The following PGLYRP2 variants were observed in gnomAD, a reference collection of about 807,000 sequenced individuals.
PGLYRP2 encodes peptidoglycan recognition protein 2.
PGLYRP2 carries 38 observed loss-of-function variants against 46.2 expected under a neutral mutation model. The ratio of observed to expected loss-of-function variants is 0.82; its 90% CI spans 0.64 to 1.08. The LOEUF (loss-of-function observed/expected upper bound fraction) is 1.08, where lower values mean the gene tolerates loss of function less well. PGLYRP2 is among the 50% of genes least tolerant of loss of function. The pLI, the probability that PGLYRP2 is intolerant of heterozygous loss-of-function variation, is 0.00. For missense variants in PGLYRP2, 713 were observed against 755.9 expected, an observed-to-expected ratio of 0.94 and a Z score of 0.67; for synonymous variants, 289 against 329.4, an observed-to-expected ratio of 0.88 and a Z score of 1.33.
rs1180332584 is a variant in PGLYRP2 at position 15,476,217 on chromosome 19, A to G, written c.453T>C (p.Thr151=). 1.2e-6 allele frequency: 2 copies of G among 1,614,130 alleles called. No individual in the cohort carries two copies. The highest frequency in any genetic ancestry group is 3.3e-5 in the Admixed American group (2 of 59,996). The change falls in exon 2 of 5, where the codon ACT becomes ACC. Residue 151 remains threonine, a synonymous_variant. Transcript: ENST00000340880. ...CCACAACATCTGGAAAGGTATCTCCAGTCTCCCAAGGGGCAGCCATGCTGT... is the reference window on the plus strand; with the variant it reads ...CCACAACATCTGGAAAGGTATCTCCGGTCTCCCAAGGGGCAGCCATGCTGT... ...PLDSMAAPWE[T]GDTFPDVVAI...
At chr19:15,479,125 C>T (rs529876806) in intron 1 of PGLYRP2, among the ~76,000 whole-genome samples, 186 bp downstream of exon 1, 9 of 152,302 alleles carry the variant, frequency 5.9e-5, no homozygotes, top group Non-Finnish European at 1.5e-5. Flanking sequence ...CTCCAGGCCC[C>T]AGATTCCTTC....
chr19:15,468,754 T>G lies in PGLYRP2; in HGVS notation c.1642-2A>C. ...CCTGGCAGGTCTTGGCTTAACAGTC[T>G]GGAAAAAGACAAGGGAGTGTGAGGC... On this transcript the variant is annotated splice_acceptor_variant, in intron 4 of 4. Transcript: ENST00000340880. LOFTEE classifies it high-confidence loss of function. 12 of 1,608,040 alleles carry G rather than the reference T, an allele frequency of 7.5e-6. No homozygotes were observed. The highest frequency in any genetic ancestry group is 1.0e-5 in the Non-Finnish European group (12 of 1,176,888).
At chr19:15,477,475 A>G (rs1007042801) in intron 1 of PGLYRP2, among the ~76,000 whole-genome samples, 2 of 150,784 alleles carry the variant, frequency 1.3e-5, no homozygotes, top group Non-Finnish European at 2.9e-5. Flanking sequence ...AGGCGGGTGG[A>G]TCACCTGAGG....
chr19:15,477,783 G>A (rs551460311), intron 1 of PGLYRP2, among the ~76,000 whole-genome samples: 1 of 152,090 alleles, frequency 6.6e-6, no homozygotes, highest in South Asian at 2.1e-4. Flanking sequence ...GAGCAGGATG[G>A]GCTTGTGCCA....
At chr19:15,471,829 C>T (rs1970751755) in intron 3 of PGLYRP2, 61 bp downstream of exon 3, 10 of 1,554,536 alleles carry the variant, frequency 6.4e-6, no homozygotes, top group Non-Finnish European at 7.9e-6. Flanking sequence ...TCAGGCTCCG[C>T]CCACTCAGAC....
chr19:15,475,371 G>A (rs1473255504), intron 2 of PGLYRP2, among the ~76,000 whole-genome samples, 167 bp downstream of exon 2: 1 of 152,104 alleles, frequency 6.6e-6, no homozygotes, highest in Non-Finnish European at 1.5e-5. Flanking sequence ...ATCCTTCAAG[G>A]CCCAACTCTG....
At chr19:15,472,560 A>G (rs962084242) in intron 2 of PGLYRP2, among the ~76,000 whole-genome samples, 1 of 151,934 alleles carries the variant, frequency 6.6e-6, no homozygotes, top group African/African-American at 2.4e-5. Context: ...GCTATTGCAC[A>G]CCAGCCTGGG....
chr19:15,474,636 T>G (rs1435066011), intron 2 of PGLYRP2, among the ~76,000 whole-genome samples: 1 of 152,078 alleles, frequency 6.6e-6, no homozygotes, highest in Non-Finnish European at 1.5e-5. Flanking sequence ...CTAGGGTGAT[T>G]GCCAGGAGGT....
Position 15,475,861 on chromosome 19 carries a change from A to C in PGLYRP2, c.809T>G (p.Met270Arg). 1.2e-6 allele frequency: 2 copies of C among 1,613,724 alleles called. No individual in the cohort carries two copies. Among genetic ancestry groups the C allele is most frequent in the Non-Finnish European group, 1.7e-6 (2 of 1,179,934 alleles). Residue 270 changes from methionine (M) to arginine (R), a missense_variant, in exon 2 of 5, where the codon ATG (methionine) becomes AGG (arginine). Physicochemically the swap from Met to Arg is moderately conservative, Grantham distance 91. Coordinates refer to ENST00000340880, the MANE Select transcript of PGLYRP2 (RefSeq NM_052890.4). ...LLDPKASLLT[M>R]AFLNGALDGV... is the part of the protein sequence containing the mutation. ...ATCCAGGGCGCCATTGAGGAAGGCC[A>C]TGGTTAACAGAGATGCCTTGGGGTC...
At chr19:15,474,482 G>T (rs939440727) in intron 2 of PGLYRP2, among the ~76,000 whole-genome samples, 5 of 152,056 alleles carry the variant, frequency 3.3e-5, no homozygotes, top group Non-Finnish European at 7.4e-5. Flanking sequence ...TGTTGATCAG[G>T]GCACTATTCA....
chr19:15,470,019 A>T, intron 3 of PGLYRP2, 90 bp from the exon 4 acceptor site: 1 of 1,274,370 alleles, frequency 7.8e-7, no homozygotes. Context: ...TTGGTGTGCC[A>T]AGGGCCACCG....
intron 3 of PGLYRP2, 50 bp downstream of exon 3, chr19:15,471,840 C>A: frequency 6.3e-7 from 1 of 1,585,606 alleles, no homozygotes; most frequent in Non-Finnish European, 8.6e-7. Flanking sequence ...CCACTCAGAC[C>A]CCATCCCCGA....
Position 15,469,593 on chromosome 19 carries a change from G to A in PGLYRP2, c.1641+39C>T. 2 of 1,561,754 alleles carry A rather than the reference G, an allele frequency of 1.3e-6. No homozygotes were observed. Among genetic ancestry groups the A allele is most frequent in the Non-Finnish European group, 1.7e-6 (2 of 1,161,002 alleles). On this transcript the variant is annotated intron_variant, in intron 4 of 4. Transcript: ENST00000340880. This position sits in a 1 kb window ranked among gnomAD's most constrained non-coding sequence, Gnocchi z 4.9. The stretch of plus-strand genomic sequence containing the variant: ...GCCTCGTGGAGCTTGTGTAGACGGA[G>A]GGGCGGCGGGCCGTGTAGTGCAGGC...
At chr19:15,475,395 T>A in intron 2 of PGLYRP2, 143 bp downstream of exon 2, 1 of 743,144 alleles carries the variant, frequency 1.3e-6, no homozygotes, top group Non-Finnish European at 2.2e-6. Context: ...TTTCCTCACC[T>A]GTGCAGCTGT....
intron 1 of PGLYRP2, among the ~76,000 whole-genome samples, chr19:15,478,977 C>T (rs923546433): frequency 5.9e-5 from 9 of 152,124 alleles, no homozygotes; most frequent in Admixed American, 2.6e-4. Flanking sequence ...GGTTCTTCTC[C>T]AGTCCACCAC....
chr19:15,472,606 T>C (rs1312876542), intron 2 of PGLYRP2, among the ~76,000 whole-genome samples: 1 of 149,606 alleles, frequency 6.7e-6, no homozygotes, highest in Non-Finnish European at 1.5e-5. Context: ...CAAAAAAAAA[T>C]TGGAGGTGGG....
At chr19:15,477,182 C>G (rs1481990229) in intron 1 of PGLYRP2, among the ~76,000 whole-genome samples, 1 of 151,984 alleles carries the variant, frequency 6.6e-6, no homozygotes, top group Non-Finnish European at 1.5e-5. Context: ...CACCTGAGAT[C>G]AGGAGTTCAA....
chr19:15,469,597 C>T lies in PGLYRP2; in HGVS notation c.1641+35G>A. On this transcript the variant is annotated intron_variant, in intron 4 of 4. Coordinates refer to ENST00000340880, the MANE Select transcript of PGLYRP2 (RefSeq NM_052890.4). The surrounding 1 kb of genome is among the most constrained non-coding windows in gnomAD (Gnocchi z 4.9). The stretch of plus-strand genomic sequence containing the variant: ...CGTGGAGCTTGTGTAGACGGAGGGG[C>T]GGCGGGCCGTGTAGTGCAGGCTGCG... 6.4e-7 allele frequency: 1 copy of T among 1,560,770 alleles called. No homozygotes were observed. The highest frequency in any genetic ancestry group is 8.6e-7 in the Non-Finnish European group (1 of 1,160,716).
chr19:15,479,383 T>C lies in PGLYRP2; in HGVS notation c.-12A>G. 1 of 1,613,614 alleles carries C rather than the reference T, an allele frequency of 6.2e-7. No individual in the cohort carries two copies. Among genetic ancestry groups the C allele is most frequent in the South Asian group, 1.1e-5 (1 of 90,994 alleles). ...ACACCCTGGGCCATTGTTGCAGGAT[T>C]CCAGCTTCCAAGGGGTATTTCTGGT... On this transcript the variant is annotated 5_prime_UTR_variant, in exon 1 of 5. Coordinates refer to ENST00000340880, the MANE Select transcript of PGLYRP2 (RefSeq NM_052890.4).
Sources: gnomAD v4.1 joint callset for allele counts (sites outside exome capture counted in the v4.1 genomes callset) on GRCh38, gnomAD v4.1.1 for gene constraint, Gnocchi (gnomAD v3.1) non-coding constraint, MANE v1.5 for transcripts, NCBI Gene and HGNC (gene_info 2026-07-23, HGNC 2026-07-21) for gene names.